MAP4K3: variants seen among roughly 807,000 people sequenced by gnomAD.
MAP4K3 encodes mitogen-activated protein kinase kinase kinase kinase 3, also known as MAPK/ERK kinase kinase kinase 3.
Under a neutral mutation model 143.5 loss-of-function variants are expected in MAP4K3, and 94 were observed. The observed-to-expected ratio is 0.65, with a 90% CI of 0.55 to 0.78. The LOEUF (loss-of-function observed/expected upper bound fraction) is 0.78. Among genes scored for constraint, MAP4K3 ranks in the 30% least tolerant of loss-of-function variants. The probability of loss-of-function intolerance (pLI) is 0.00; values close to 1 mark genes in which losing one functional copy is unlikely to be tolerated. For synonymous variants in MAP4K3, 416 were observed against 347.2 expected (o/e 1.20, Z -2.20); for missense variants, 1,077 against 1,068.1 (o/e 1.01, Z -0.12).
chr2:39,343,116 A>T (rs909559990), intron 4 of MAP4K3, among the ~76,000 whole-genome samples: 2 of 152,194 alleles, frequency 1.3e-5, no homozygotes, highest in African/African-American at 4.8e-5. Context: ...AAGCCCTTGA[A>T]TTTTTACAAG....
At chr2:39,276,851 G>C (rs947095546) in intron 24 of MAP4K3, among the ~76,000 whole-genome samples, 5 of 152,176 alleles carry the variant, frequency 3.3e-5, no homozygotes, top group Non-Finnish European at 7.3e-5. Flanking sequence ...GAGAGGAGGA[G>C]AGAAATGGGG....
chr2:39,361,748 T>A (rs1316962190), intron 2 of MAP4K3, among the ~76,000 whole-genome samples: 1 of 151,440 alleles, frequency 6.6e-6, no homozygotes, highest in Non-Finnish European at 1.5e-5. Context: ...AAATTATCAT[T>A]TAAAACAGAA....
chr2:39,290,400 T>C (rs953007578), intron 18 of MAP4K3, 66 bp from the exon 19 acceptor site: 4 of 1,053,810 alleles, frequency 3.8e-6, no homozygotes, highest in Admixed American at 4.9e-5. Context: ...TAAAATATAA[T>C]AATTTTTTCA....
intron 12 of MAP4K3, among the ~76,000 whole-genome samples, chr2:39,320,093 T>A (rs1683253937): frequency 6.6e-6 from 1 of 152,180 alleles, no homozygotes; most frequent in African/African-American, 2.4e-5. Context: ...TGTTTTTTCT[T>A]CTCCTGAAAT....
At chr2:39,274,754 C>A (rs1681176850) in intron 24 of MAP4K3, among the ~76,000 whole-genome samples, 3 of 152,142 alleles carry the variant, frequency 2.0e-5, no homozygotes, top group African/African-American at 7.2e-5. Flanking sequence ...ATCTGTAAAA[C>A]AGAATACCTG....
chr2:39,327,381 T>C (rs892834999), intron 8 of MAP4K3, among the ~76,000 whole-genome samples: 10 of 152,240 alleles, frequency 6.6e-5, no homozygotes, highest in Admixed American at 6.5e-5. Context: ...CCAAATTCAG[T>C]AATTTTTTTG....
intron 1 of MAP4K3, among the ~76,000 whole-genome samples, chr2:39,417,252 C>T (rs1318247263): frequency 6.8e-6 from 1 of 145,988 alleles, no homozygotes; most frequent in Non-Finnish European, 1.5e-5. Flanking sequence ...CAGAGTCTTG[C>T]CCTGTCGCCC....
chr2:39,313,476 T>C (rs1683008760), intron 13 of MAP4K3, among the ~76,000 whole-genome samples: 1 of 151,870 alleles, frequency 6.6e-6, no homozygotes, highest in African/African-American at 2.4e-5. Flanking sequence ...CCTTCCTTCC[T>C]TTCTTTTTCT....
chr2:39,313,616 G>A (rs750896582), intron 13 of MAP4K3, among the ~76,000 whole-genome samples: 4 of 152,020 alleles, frequency 2.6e-5, no homozygotes, highest in African/African-American at 4.8e-5. Context: ...AGGTTTCAGC[G>A]AGTTTCCTGC....
At chr2:39,319,250 A>G (rs1221751107) in intron 12 of MAP4K3, among the ~76,000 whole-genome samples, 1 of 151,762 alleles carries the variant, frequency 6.6e-6, no homozygotes, top group Non-Finnish European at 1.5e-5. Flanking sequence ...TTTAAACCAC[A>G]ACTACAAAGA....
At chr2:39,424,722 T>C (rs748102474) in intron 1 of MAP4K3, among the ~76,000 whole-genome samples, 3 of 150,512 alleles carry the variant, frequency 2.0e-5, no homozygotes, top group Non-Finnish European at 4.4e-5. Context: ...CCCAGCTACC[T>C]TGGGAAGCTG....
intron 1 of MAP4K3, among the ~76,000 whole-genome samples, chr2:39,422,302 GACTCA>G (rs1303022210): frequency 6.6e-6 from 1 of 151,820 alleles, no homozygotes; most frequent in East Asian, 1.9e-4. Context: ...CTCCTAACTA[GACTCA>G]ATAGTCTTCT....
chr2:39,283,577 T>C (rs1341111043), intron 21 of MAP4K3: 1 of 152,068 alleles, frequency 6.6e-6, no homozygotes, highest in Admixed American at 6.5e-5. Context: ...GTGTAGATAA[T>C]CTTCACCATG....
At position 39,356,320 on chromosome 2, in the gene MAP4K3, C is replaced by T. The variant is rs1354077026; in HGVS notation, c.174G>A (p.Val58=). 2.5e-6 allele frequency: 4 copies of T among 1,597,044 alleles called. No individual in the cohort carries two copies. The highest frequency in any genetic ancestry group is 1.7e-5 in the Admixed American group (1 of 57,622). ...CTTTCATCATAATAATTTCTTGCTG[C>T]ACAACTGCAAAGTCTTCTCCTGGAA... ...KLEPGEDFAV[V]QQEIIMMKDC... The change falls in exon 3 of 34, where the codon GTG becomes GTA. Residue 58 remains valine, a synonymous_variant. Coordinates refer to ENST00000263881, the MANE Select transcript of MAP4K3 (RefSeq NM_003618.4).
Position 39,325,911 on chromosome 2 carries a change from T to C in MAP4K3, c.713A>G (p.Asp238Gly). 1 of 1,590,150 alleles carries C rather than the reference T, an allele frequency of 6.3e-7. No homozygotes were observed. The highest frequency in any genetic ancestry group is 8.6e-7 in the Non-Finnish European group (1 of 1,162,694). Residue 238 changes from aspartate to glycine, a missense_variant, in exon 10 of 34, where the codon GAT becomes GGT. Asp to Gly is a moderately conservative substitution (Grantham distance 94, BLOSUM62 -1). Coordinates refer to ENST00000263881, the MANE Select transcript of MAP4K3 (RefSeq NM_003618.4). The stretch of plus-strand genomic sequence containing the variant: ...TAAAAATACTTACCATTTCATTTTA[T>C]CCTTTAGTTTAGGAGGCTGAAAATT... ...KSNFQPPKLK[D>G]KMKWSNSFHH...
chr2:39,317,385 T>C (rs1049518369), intron 12 of MAP4K3, among the ~76,000 whole-genome samples: 39 of 152,140 alleles, frequency 2.6e-4, no homozygotes, highest in African/African-American at 9.2e-4. Flanking sequence ...CCAAAAGCAA[T>C]TGCCACAAAA....
chr2:39,407,810 A>G (rs1028006365), intron 1 of MAP4K3, among the ~76,000 whole-genome samples: 1 of 152,164 alleles, frequency 6.6e-6, no homozygotes, highest in African/African-American at 2.4e-5. Flanking sequence ...TCCTGGGCTC[A>G]CGTGACCCTC....
At chr2:39,302,994 C>T (rs962420755) in intron 15 of MAP4K3, 3 of 166,648 alleles carry the variant, frequency 1.8e-5, no homozygotes, top group African/African-American at 7.3e-5. Context: ...ACATGGAGCA[C>T]CGGAAAAGGA....
At chr2:39,371,695 T>C (rs921381116) in intron 2 of MAP4K3, among the ~76,000 whole-genome samples, 1 of 152,010 alleles carries the variant, frequency 6.6e-6, no homozygotes, top group Non-Finnish European at 1.5e-5. Flanking sequence ...GAAAAAGATA[T>C]TCCACGCCAA....
Sources: gnomAD v4.1 joint callset for allele counts (sites outside exome capture counted in the v4.1 genomes callset) on GRCh38, gnomAD v4.1.1 for gene constraint, MANE v1.5 for transcripts, NCBI Gene and HGNC (gene_info 2026-07-23, HGNC 2026-07-21) for gene names.